The following HPS3 variants were observed in gnomAD, a reference collection of about 807,000 sequenced individuals.
HPS3 encodes the protein BLOC-2 complex member HPS3.
HPS3 carries 79 observed loss-of-function variants against 110.9 expected under a neutral mutation model. The observed-to-expected ratio is 0.71, with a 90% CI of 0.59 to 0.86. HPS3 has a LOEUF of 0.86. Ranked by LOEUF, HPS3 falls within the 40% of genes least tolerant of loss-of-function variation. The pLI, the probability that HPS3 is intolerant of heterozygous loss-of-function variation, is 0.00. For missense variants in HPS3, 1,197 were observed against 1,206.2 expected (o/e 0.99, Z 0.11); for synonymous variants, 428 against 451.0 (o/e 0.95, Z 0.65).
chr3:149,158,533 A>T (rs1397958611), intron 9 of HPS3, 133 bp from the exon 10 acceptor site: 2 of 864,804 alleles, frequency 2.3e-6, no homozygotes, highest in African/African-American at 3.3e-5. Flanking sequence ...TACACCTGGA[A>T]TCCCAGCACT....
Position 149,150,670 on chromosome 3 carries a change from C to A in HPS3, c.1235C>A (p.Thr412Asn). Residue 412 changes from threonine (T) to asparagine (N), a missense_variant, in exon 6 of 17, where the codon ACC becomes AAC. Transcript: ENST00000296051. ...CGTGAGGAGGACCCGTACATGGACA[C>A]CACCCTGAAGGTAAGAACTGGCTTA... The part of the protein sequence containing the change: ...AAREEDPYMD[T>N]TLKACPPVSM... 6.2e-7 allele frequency: 1 copy of A among 1,612,982 alleles called. No individual in the cohort carries two copies. Among genetic ancestry groups the A allele is most frequent in the Non-Finnish European group, 8.5e-7 (1 of 1,178,956 alleles).
intron 1 of HPS3, 48 bp downstream of exon 1, chr3:149,129,988 C>T (rs1236288308): frequency 2.0e-6 from 3 of 1,492,894 alleles, no homozygotes; most frequent in Admixed American, 2.0e-5. Context: ...AGCTTGAGGC[C>T]TCCTAGCTAG....
chr3:149,133,897 T>G lies in HPS3; in HGVS notation c.217+3957T>G, dbSNP rs370106431. Among the ~76,000 whole-genome samples, 118 of 152,256 alleles carry G rather than the reference T, an allele frequency of 7.8e-4. 1 individual carries two copies. Among genetic ancestry groups the G allele is most frequent in the African/African-American group, 2.7e-3 (114 of 41,536 alleles). The stretch of plus-strand genomic sequence containing the variant: ...TTTATGCACTGGGAAACCAAAAAAT[T>G]TATGTGACTCTTTTTATTGCATTAT... On this transcript the variant is annotated intron_variant, in intron 1 of 16. Coordinates refer to ENST00000296051, the MANE Select transcript of HPS3 (RefSeq NM_032383.5).
intron 1 of HPS3, among the ~76,000 whole-genome samples, chr3:149,139,163 A>G (rs1480032776): frequency 2.0e-5 from 3 of 152,248 alleles, no homozygotes; most frequent in African/African-American, 4.8e-5. Flanking sequence ...ATGCGTATGT[A>G]TGTACATATG....
intron 14 of HPS3, 36 bp downstream of exon 14, chr3:149,163,985 A>G (rs1452018208): frequency 5.9e-6 from 6 of 1,009,330 alleles, no homozygotes; most frequent in East Asian, 2.4e-5. Context: ...ATGAAATTGC[A>G]TATTACAATA....
chr3:149,157,341 T>A lies in HPS3; in HGVS notation c.1510-9T>A. On this transcript the variant is annotated splice_polypyrimidine_tract_variant and intron_variant, in intron 8 of 16. Transcript: ENST00000296051. ...TTCAGCAACATTAGTGTTTGTCTTT[T>A]TTGTTTAGGTAGACTATAGCAATAC... The A allele has an allele frequency of 6.2e-7, 1 of 1,612,354 alleles. No homozygotes were observed. Among genetic ancestry groups the A allele is most frequent in the Non-Finnish European group, 8.5e-7 (1 of 1,178,878 alleles).
chr3:149,133,979 GT>G (rs201284039), intron 1 of HPS3, among the ~76,000 whole-genome samples: 1 of 147,134 alleles, frequency 6.8e-6, no homozygotes. Flanking sequence ...ATATGCCTGT[GT>G]TTTTTTTTAA....
intron 10 of HPS3, 45 bp downstream of exon 10, chr3:149,158,891 A>G (rs1182974328): frequency 1.5e-6 from 2 of 1,338,720 alleles, no homozygotes; most frequent in South Asian, 2.4e-5. Flanking sequence ...TTAACATTTC[A>G]TTTTAATGGT....
At position 149,172,711 on chromosome 3, in the gene HPS3, TA is replaced by T. The variant is rs1057297040; in HGVS notation, c.*493del. On this transcript the variant is annotated 3_prime_UTR_variant, in exon 17 of 17. Coordinates refer to ENST00000296051, the MANE Select transcript of HPS3 (RefSeq NM_032383.5). Reference sequence around the variant, plus strand: ...GAAAGATGTTAATGTTTTGCCATGGTAAAAGATTTCAAACCTCATTTTTTTT... The same window carrying T: ...GAAAGATGTTAATGTTTTGCCATGGTAAAGATTTCAAACCTCATTTTTTTT... The T allele has an allele frequency of 8.5e-5, 13 of 153,222 alleles. No individual in the cohort carries two copies. The highest frequency in any genetic ancestry group is 3.1e-4 in the African/African-American group (13 of 41,462). The allele number at this position is 153,222 out of a possible 1,614,324, so 9.5% of individuals were successfully genotyped here. A position where few individuals can be genotyped will look rare whatever the true frequency, so the allele number is the denominator to read the frequency against.
chr3:149,138,816 A>G (rs1371089517), intron 1 of HPS3, among the ~76,000 whole-genome samples: 1 of 152,260 alleles, frequency 6.6e-6, no homozygotes, highest in Non-Finnish European at 1.5e-5. Flanking sequence ...AAAAAGGTCT[A>G]GGAAATGTAA....
rs754042219 is a variant in HPS3, at chr3:149,140,344, C to T, written c.558C>T (p.Ile186=). Residue 186 remains isoleucine, a synonymous_variant, in exon 2 of 17, where the codon ATC becomes ATT. Coordinates refer to ENST00000296051, the MANE Select transcript of HPS3 (RefSeq NM_032383.5). ...CTTTAATTATACACATAGATAATATCACTCCTGTTGAGGTTTCTTTTTGTG... is the reference window on the plus strand; with the variant it reads ...CTTTAATTATACACATAGATAATATTACTCCTGTTGAGGTTTCTTTTTGTG... ...ERSLIIHIDN[I]TPVEVSFCVG... is the part of the protein sequence containing the mutation. The T allele has an allele frequency of 6.2e-7, 1 of 1,612,730 alleles. No individual in the cohort carries two copies. The highest frequency in any genetic ancestry group is 8.5e-7 in the Non-Finnish European group (1 of 1,178,964).
intron 10 of HPS3, among the ~76,000 whole-genome samples, chr3:149,159,368 GC>G (rs1291550431): frequency 6.6e-6 from 1 of 152,148 alleles, no homozygotes; most frequent in Non-Finnish European, 1.5e-5. Context: ...TTTGAGACCA[GC>G]CTAGGCAATA....
At chr3:149,149,802 T>C (rs1339345769) in intron 5 of HPS3, among the ~76,000 whole-genome samples, 2 of 152,210 alleles carry the variant, frequency 1.3e-5, no homozygotes, top group Non-Finnish European at 2.9e-5. Context: ...GTTAATTAAC[T>C]GTTTTTAATG....
rs559550536 is a variant in HPS3 at position 149,158,747 on chromosome 3, G to A, written c.1773G>A (p.Thr591=). ...CTATGGCTGAAGTTCTGGCCCGCAC[G>A]GACTGGACAGTAGAGGATGGATTAC... is the stretch of plus-strand genomic sequence containing the variant. ...GLSMAEVLAR[T]DWTVEDGLQK... Residue 591 remains threonine (T), a synonymous_variant, in exon 10 of 17, where the codon ACG becomes ACA. Transcript: ENST00000296051. 3.6e-4 allele frequency: 573 copies of A among 1,612,780 alleles called. 6 individuals carry two copies. The South Asian group carries it at 4.6e-3, about 13-fold the overall frequency.
At chr3:149,131,000 G>T (rs540447156) in intron 1 of HPS3, among the ~76,000 whole-genome samples, 3 of 152,044 alleles carry the variant, frequency 2.0e-5, no homozygotes, top group Non-Finnish European at 4.4e-5. Context: ...TGCAAAAGCT[G>T]GTGGCTATGC....
intron 14 of HPS3, chr3:149,165,795 A>G (rs1488338249): frequency 1.0e-5 from 3 of 298,984 alleles, no homozygotes; most frequent in African/African-American, 6.7e-5. Flanking sequence ...GGATTAGTCA[A>G]GAGTTAAATA....
rs761683710 is a variant in HPS3, at chr3:149,160,042, A to G, written c.1873-4A>G. Reference sequence around the variant, plus strand: ...TTCCTTTTATTCCTTCGTGCTCACCAAAGGAATTAGCAGCAAAAGTGGTTC... The same window carrying G: ...TTCCTTTTATTCCTTCGTGCTCACCGAAGGAATTAGCAGCAAAAGTGGTTC... On this transcript the variant is annotated splice_polypyrimidine_tract_variant and splice_region_variant and intron_variant, in intron 10 of 16. Transcript: ENST00000296051. The G allele has an allele frequency of 3.4e-5, 55 of 1,608,982 alleles. No homozygotes were observed. Among genetic ancestry groups the G allele is most frequent in the Non-Finnish European group, 4.7e-5 (55 of 1,175,488 alleles).
At chr3:149,135,586 C>G (rs1205863248) in intron 1 of HPS3, among the ~76,000 whole-genome samples, 2 of 152,160 alleles carry the variant, frequency 1.3e-5, no homozygotes, top group African/African-American at 4.8e-5. Context: ...TCAATTAAAC[C>G]TGTTTTCTTT....
At chr3:149,151,611 A>C (rs1012849645) in intron 6 of HPS3, among the ~76,000 whole-genome samples, 1 of 147,872 alleles carries the variant, frequency 6.8e-6, no homozygotes, top group African/African-American at 2.5e-5. Flanking sequence ...AAAAAAAAAA[A>C]AAAAAGCCTC....
Sources: allele counts gnomAD v4.1 joint callset (sites outside exome capture counted in the v4.1 genomes callset), GRCh38; gene constraint gnomAD v4.1.1; transcripts MANE v1.5; gene names NCBI Gene and HGNC (gene_info 2026-07-23, HGNC 2026-07-21).